CSGALNACT1: variants seen among roughly 807,000 people sequenced by gnomAD.
CSGALNACT1 encodes the protein beta4GalNAcT-1.
A neutral mutation model predicts 51.0 loss-of-function variants in CSGALNACT1; 52 were observed. The observed-to-expected ratio is 1.02, with a 90% CI of 0.82 to 1.29. The LOEUF (loss-of-function observed/expected upper bound fraction) is 1.29. CSGALNACT1 is among the 50% of genes most tolerant of loss of function. The pLI, the probability that CSGALNACT1 is intolerant of heterozygous loss-of-function variation, is 0.00. For synonymous variants in CSGALNACT1, 341 were observed against 254.4 expected (o/e 1.34, Z -3.24); for missense variants, 935 against 679.2 (o/e 1.38, Z -4.19).
At chr8:19,696,752 C>A (rs907535182) in intron 1 of CSGALNACT1, among the ~76,000 whole-genome samples, 1 of 152,160 alleles carries the variant, frequency 6.6e-6, no homozygotes, top group Non-Finnish European at 1.5e-5. Flanking sequence ...CACACAAGTT[C>A]ATGTGGGGCA....
At chr8:19,647,203 C>T (rs1188241189) in intron 1 of CSGALNACT1, among the ~76,000 whole-genome samples, 1 of 152,134 alleles carries the variant, frequency 6.6e-6, no homozygotes, top group African/African-American at 2.4e-5. Context: ...GTGCCATGTC[C>T]ATTACACCTG....
At chr8:19,560,865 C>T (rs371055690) in intron 3 of CSGALNACT1, among the ~76,000 whole-genome samples, 7 of 152,262 alleles carry the variant, frequency 4.6e-5, no homozygotes, top group East Asian at 3.9e-4. Flanking sequence ...TTCACAGCTG[C>T]AAAATCTATA....
upstream of CSGALNACT1, among the ~76,000 whole-genome samples, chr8:19,686,885 A>T (rs549846416): frequency 1.3e-5 from 2 of 152,152 alleles, no homozygotes; most frequent in African/African-American, 4.8e-5. Flanking sequence ...CTGGTGGGGC[A>T]CATCTCTCTC....
intron 5 of CSGALNACT1, among the ~76,000 whole-genome samples, chr8:19,446,496 A>AATTCATTCATTCATTC (rs375986004): frequency 6.6e-6 from 1 of 151,998 alleles, no homozygotes; most frequent in African/African-American, 2.4e-5. Flanking sequence ...GAAGCCTGAA[A>AATTCATTCATTCATTC]ATTCATTCAT....
At chr8:19,439,332 G>T in intron 6 of CSGALNACT1, among the ~76,000 whole-genome samples, 1 of 152,334 alleles carries the variant, frequency 6.6e-6, no homozygotes, top group East Asian at 1.9e-4. Flanking sequence ...CACCACGTCT[G>T]GTTTCCCCTG....
At chr8:19,598,952 C>G (rs1424818504) in intron 2 of CSGALNACT1, among the ~76,000 whole-genome samples, 1 of 152,142 alleles carries the variant, frequency 6.6e-6, no homozygotes, top group Admixed American at 6.5e-5. Context: ...AGCTAGAGTA[C>G]AGGAACACAC....
At chr8:19,516,980 T>A (rs1184239527) in intron 3 of CSGALNACT1, among the ~76,000 whole-genome samples, 1 of 152,228 alleles carries the variant, frequency 6.6e-6, no homozygotes. Context: ...CATGACCCAC[T>A]GCCCACCTGG....
intron 9 of CSGALNACT1, among the ~76,000 whole-genome samples, chr8:19,406,777 C>T (rs955770311): frequency 1.6e-4 from 25 of 152,142 alleles, no homozygotes; most frequent in Admixed American, 1.4e-3. Context: ...CAGTGCCTCT[C>T]GGCTCACTGC....
At chr8:19,640,121 G>C (rs2957622) in intron 1 of CSGALNACT1, among the ~76,000 whole-genome samples, 1 of 152,012 alleles carries the variant, frequency 6.6e-6, no homozygotes, top group Non-Finnish European at 1.5e-5. Context: ...AAATAACAAA[G>C]ATATATAAGG....
chr8:19,658,127 A>G (rs1480065393), intron 1 of CSGALNACT1, among the ~76,000 whole-genome samples: 1 of 149,504 alleles, frequency 6.7e-6, no homozygotes, highest in African/African-American at 2.5e-5. Context: ...AGATTTGGAG[A>G]TGGGGCCTTT....
chr8:19,689,500 G>C (rs1266345599), intron 1 of CSGALNACT1, among the ~76,000 whole-genome samples: 2 of 152,154 alleles, frequency 1.3e-5, no homozygotes, highest in Non-Finnish European at 2.9e-5. Flanking sequence ...CTGTTGTTTT[G>C]AGCCACTGTT....
chr8:19,458,381 A>G (rs781233709), intron 5 of CSGALNACT1, 45 bp downstream of exon 4: 4 of 1,448,416 alleles, frequency 2.8e-6, no homozygotes, highest in Non-Finnish European at 3.9e-6. Flanking sequence ...CAGTGTTCTA[A>G]CACACATCAT....
chr8:19,420,193 T>C, intron 7 of CSGALNACT1, 147 bp downstream of exon 6: 1 of 752,496 alleles, frequency 1.3e-6, no homozygotes, highest in Non-Finnish European at 2.3e-6. Flanking sequence ...AACAGACTAA[T>C]ACAGATGGTT....
chr8:19,756,968 G>T (rs2065432362), intron 1 of CSGALNACT1, among the ~76,000 whole-genome samples: 1 of 144,188 alleles, frequency 6.9e-6, no homozygotes, highest in African/African-American at 2.6e-5. Flanking sequence ...CGCCTGCCAA[G>T]CCGGTCCCCG....
intron 6 of CSGALNACT1, among the ~76,000 whole-genome samples, chr8:19,430,289 C>G (rs1251519803): frequency 1.3e-5 from 2 of 152,194 alleles, no homozygotes; most frequent in African/African-American, 4.8e-5. Context: ...GTCATGAAGA[C>G]TTACACCTAT....
chr8:19,479,960 C>T (rs2070899860), intron 4 of CSGALNACT1, among the ~76,000 whole-genome samples: 1 of 152,100 alleles, frequency 6.6e-6, no homozygotes. Context: ...ATGACAGATA[C>T]CTCTTTGTAG....
intron 1 of CSGALNACT1, among the ~76,000 whole-genome samples, chr8:19,718,952 C>T (rs17091027): frequency 0.074 from 11,245 of 152,226 alleles, 430 homozygotes; most frequent in South Asian, 0.11. Flanking sequence ...TGCAAGATCT[C>T]TCACCGTTGT....
intron 1 of CSGALNACT1, among the ~76,000 whole-genome samples, chr8:19,656,535 A>G (rs1323131000): frequency 6.6e-6 from 1 of 151,482 alleles, no homozygotes; most frequent in Non-Finnish European, 1.5e-5. Flanking sequence ...CACTTAAAAC[A>G]CACACGTGTA....
intron 8 of CSGALNACT1, among the ~76,000 whole-genome samples, chr8:19,416,109 C>CTTTTTTTTTTTTTTTTTTTT (rs34491658): frequency 1.7e-5 from 2 of 116,716 alleles, no homozygotes; most frequent in Non-Finnish European, 3.4e-5. Context: ...GAAATGAAAA[C>CTTTTTTTTTTTTTTTTTTTT]TTTTTTTTTT....
Sources: gnomAD v4.1 joint callset for allele counts (sites outside exome capture counted in the v4.1 genomes callset) on GRCh38, gnomAD v4.1.1 for gene constraint, MANE v1.5 for transcripts, NCBI Gene and HGNC (gene_info 2026-07-23, HGNC 2026-07-21) for gene names.